Variants in SLC44A1 observed in about 807,000 individuals in gnomAD.
SLC44A1 encodes the protein solute carrier family 44 member 1, also known as choline transporter-like protein 1.
SLC44A1 carries 26 observed loss-of-function variants against 79.3 expected under a neutral mutation model. The observed-to-expected ratio is 0.33, with a 90% CI of 0.24 to 0.46. The LOEUF (loss-of-function observed/expected upper bound fraction) is 0.46, where lower values mean the gene tolerates loss of function less well. Among genes scored for constraint, SLC44A1 ranks in the 20% least tolerant of loss-of-function variants. The probability of loss-of-function intolerance (pLI) is 1.00; values close to 1 mark genes in which losing one functional copy is unlikely to be tolerated. For missense variants in SLC44A1, 688 were observed against 798.1 expected (o/e 0.86, Z 1.66); for synonymous variants, 263 against 286.2 (o/e 0.92, Z 0.82).
At chr9:105,388,692 A>C (rs1828689806) in intron 15 of SLC44A1, among the ~76,000 whole-genome samples, 1 of 152,174 alleles carries the variant, frequency 6.6e-6, no homozygotes, top group Admixed American at 6.5e-5. Flanking sequence ...ATTTTGGAAA[A>C]ATGTACCAAA....
At chr9:105,363,248 C>T (rs34253461) in intron 9 of SLC44A1, among the ~76,000 whole-genome samples, 2,256 of 151,990 alleles carry the variant, frequency 0.015, 24 homozygotes, top group Non-Finnish European at 0.023. Context: ...CTGCAACCTC[C>T]GCCTCCCGGG....
chr9:105,397,439 A>G, downstream of SLC44A1: 4 of 808,034 alleles, frequency 5.0e-6, no homozygotes, highest in Non-Finnish European at 6.0e-6. Context: ...TTAGGTCAGT[A>G]TGCTGCAAGG....
intron 3 of SLC44A1, among the ~76,000 whole-genome samples, chr9:105,316,052 A>G (rs745621857): frequency 3.3e-5 from 5 of 152,320 alleles, no homozygotes; most frequent in Admixed American, 1.3e-4. Context: ...TCATTCATTC[A>G]TTCATTTGTG....
chr9:105,420,620 C>T (rs1341644699), intron 15 of SLC44A1, among the ~76,000 whole-genome samples: 2 of 151,866 alleles, frequency 1.3e-5, no homozygotes, highest in East Asian at 3.9e-4. Flanking sequence ...TCAGCACTTT[C>T]GGAGGCTGAA....
intron 7 of SLC44A1, 81 bp from the exon 8 acceptor site, chr9:105,361,110 A>G: frequency 7.4e-7 from 1 of 1,343,918 alleles, no homozygotes; most frequent in Non-Finnish European, 1.1e-6. Context: ...ATCTGTAGGA[A>G]GGGTCAAGAA....
chr9:105,333,165 G>T (rs886986214), intron 3 of SLC44A1, among the ~76,000 whole-genome samples: 2 of 152,212 alleles, frequency 1.3e-5, no homozygotes, highest in African/African-American at 4.8e-5. Flanking sequence ...GAAGCCTACA[G>T]GACAGACAGT....
chr9:105,397,437 G>C, downstream of SLC44A1: 1 of 824,738 alleles, frequency 1.2e-6, no homozygotes, highest in Non-Finnish European at 1.5e-6. Context: ...AATTAGGTCA[G>C]TATGCTGCAA....
At position 105,299,327 on chromosome 9, in the gene SLC44A1, G is replaced by C; in HGVS notation, c.126+18G>C. 2 of 1,543,386 alleles carry C rather than the reference G, an allele frequency of 1.3e-6. No homozygotes were observed. Among genetic ancestry groups the C allele is most frequent in the Non-Finnish European group, 8.7e-7 (1 of 1,144,022 alleles). On this transcript the variant is annotated intron_variant, in intron 2 of 15. Transcript: ENST00000374720. ...TTGGGATGGTAAGGAAACTCTCACA[G>C]ATGGTCCAAACTGGACTCATGATCC...
intron 15 of SLC44A1, 26 bp downstream of exon 15, chr9:105,385,528 C>A: frequency 6.4e-7 from 1 of 1,556,982 alleles, no homozygotes; most frequent in Non-Finnish European, 8.7e-7. Context: ...GAGGTGGCCG[C>A]CCTCCAAGAA....
At chr9:105,259,386 A>G (rs901756412) in intron 1 of SLC44A1, among the ~76,000 whole-genome samples, 3 of 152,248 alleles carry the variant, frequency 2.0e-5, no homozygotes, top group African/African-American at 7.2e-5. Context: ...ATTGAGTGCC[A>G]ACAAGGCTCT....
At chr9:105,369,622 C>A (rs7019208) in intron 12 of SLC44A1, among the ~76,000 whole-genome samples, 18,979 of 152,184 alleles carry the variant, frequency 0.12, 2,295 homozygotes, top group African/African-American at 0.32. Flanking sequence ...CCTTTCATTT[C>A]TTTAATTTAT....
rs141353650 is a variant in SLC44A1 at position 105,361,289 on chromosome 9, C to G, written c.859C>G (p.Arg287Gly). 2 of 1,613,428 alleles carry G rather than the reference C, an allele frequency of 1.2e-6. No homozygotes were observed. Among genetic ancestry groups the G allele is most frequent in the South Asian group, 2.2e-5 (2 of 90,936 alleles). Residue 287 changes from arginine to glycine, a missense_variant, in exon 8 of 16, where the codon CGG (arginine) becomes GGG (glycine). By Grantham distance (125) the Arg-to-Gly change is moderately radical. Transcript: ENST00000374720. ...GCTTCAGATAGCTGAAGACAATCTTCGGGCCCTCCTCATTTATGCCATTTC... is the reference window on the plus strand; with the variant it reads ...GCTTCAGATAGCTGAAGACAATCTTGGGGCCCTCCTCATTTATGCCATTTC... Reference protein sequence around the residue: ...EQLQIAEDNLRALLIYAISAT... With the variant: ...EQLQIAEDNLGALLIYAISAT...
At chr9:105,387,502 A>G (rs1828664000) in intron 15 of SLC44A1, among the ~76,000 whole-genome samples, 1 of 152,070 alleles carries the variant, frequency 6.6e-6, no homozygotes, top group Non-Finnish European at 1.5e-5. Context: ...TGCCAACCCT[A>G]TGGCAACATG....
At chr9:105,376,338 CACACACACACACT>C (rs1271122503) in intron 13 of SLC44A1, among the ~76,000 whole-genome samples, 8,061 of 134,948 alleles carry the variant, frequency 0.06, 247 homozygotes, top group South Asian at 0.099. Context: ...CACACACACA[CACACACACACACT>C]ACACACACAC....
At chr9:105,351,586 AAG>A (rs1274235414) in intron 5 of SLC44A1, among the ~76,000 whole-genome samples, 215 of 107,320 alleles carry the variant, frequency 2.0e-3, no homozygotes, top group East Asian at 3.8e-3. Flanking sequence ...GAAAGAGAGA[AAG>A]AGAGAAAGAG....
At chr9:105,249,496 C>T (rs1312180338) in intron 1 of SLC44A1, among the ~76,000 whole-genome samples, 3 of 150,836 alleles carry the variant, frequency 2.0e-5, no homozygotes, top group African/African-American at 4.9e-5. Flanking sequence ...AAGTTAATTT[C>T]GAAATTGGAA....
chr9:105,327,566 A>G (rs1365784443), intron 3 of SLC44A1, among the ~76,000 whole-genome samples: 1 of 152,064 alleles, frequency 6.6e-6, no homozygotes, highest in Non-Finnish European at 1.5e-5. Context: ...TTACAGGCGT[A>G]CCATTTATAA....
Position 105,264,953 on chromosome 9 carries a change from C to T in SLC44A1, c.36+20049C>T, listed in dbSNP as rs370112262. Among the ~76,000 whole-genome samples, 291 of 152,132 alleles carry T rather than the reference C, an allele frequency of 1.9e-3. 1 individual carries two copies. The highest frequency in any genetic ancestry group is 6.7e-3 in the African/African-American group (278 of 41,500). On this transcript the variant is annotated intron_variant, in intron 1 of 15. Transcript: ENST00000374720. Reference sequence around the variant, plus strand: ...CTGGGATTACAGGCATGCGCCACCACGCCTGGCTAATTTTGTATTTTTAGT... The same window carrying T: ...CTGGGATTACAGGCATGCGCCACCATGCCTGGCTAATTTTGTATTTTTAGT...
At chr9:105,353,711 A>G (rs976516317) in intron 5 of SLC44A1, among the ~76,000 whole-genome samples, 1 of 152,178 alleles carries the variant, frequency 6.6e-6, no homozygotes, top group African/African-American at 2.4e-5. Flanking sequence ...AACAAGAAAA[A>G]GACATCAGTA....
Sources: gnomAD v4.1 joint callset for allele counts (sites outside exome capture counted in the v4.1 genomes callset) on GRCh38, gnomAD v4.1.1 for gene constraint, MANE v1.5 for transcripts, NCBI Gene and HGNC (gene_info 2026-07-23, HGNC 2026-07-21) for gene names.